Variants in EPG5 observed in about 807,000 individuals in gnomAD.
The protein encoded by EPG5 is ectopic P granules protein 5 homolog.
Under a neutral mutation model 302.7 loss-of-function variants are expected in EPG5, and 159 were observed. The ratio of observed to expected loss-of-function variants is 0.53; its 90% CI spans 0.46 to 0.60. The LOEUF (loss-of-function observed/expected upper bound fraction) is 0.60. EPG5 is among the 20% of genes least tolerant of loss of function. The probability of loss-of-function intolerance (pLI) is 0.00; values close to 1 mark genes in which losing one functional copy is unlikely to be tolerated. For missense variants in EPG5, 2,896 were observed against 3,092.4 expected, an observed-to-expected ratio of 0.94 and a Z score of 1.51; for synonymous variants, 1,158 against 1,136.8, an observed-to-expected ratio of 1.02 and a Z score of -0.37.
intron 1 of EPG5, among the ~76,000 whole-genome samples, chr18:45,961,525 C>T (rs2051149397): frequency 6.6e-6 from 1 of 152,202 alleles, no homozygotes; most frequent in Non-Finnish European, 1.5e-5. Context: ...ATAGTGAACT[C>T]TCTCTTCCCT....
intron 8 of EPG5, 82 bp from the exon 9 acceptor site, chr18:45,943,393 T>G: frequency 5.5e-6 from 7 of 1,282,666 alleles, no homozygotes; most frequent in Non-Finnish European, 7.7e-6. Context: ...AATATTTTAA[T>G]GAGGACTCAA....
chr18:45,839,045 C>T, the EPG5 span: 13 of 1,542,690 alleles, frequency 8.4e-6, no homozygotes, highest in East Asian at 1.3e-4. Context: ...GGCTTCAAGG[C>T]GCTGCTGCTG....
chr18:45,836,016 C>T, the EPG5 span, among the ~76,000 whole-genome samples: 6 of 152,148 alleles, frequency 3.9e-5, no homozygotes, highest in African/African-American at 1.4e-4. Context: ...GTCCTGTGGG[C>T]GGCCGGAGAT....
chr18:45,965,945 C>A (rs956200485), intron 1 of EPG5, among the ~76,000 whole-genome samples: 1 of 151,630 alleles, frequency 6.6e-6, no homozygotes, highest in Admixed American at 6.6e-5. Flanking sequence ...CCCAGTTACT[C>A]GGGAGGCTGA....
intron 4 of EPG5, among the ~76,000 whole-genome samples, chr18:45,950,523 GA>G (rs752459621): frequency 6.6e-6 from 1 of 152,116 alleles, no homozygotes; most frequent in Non-Finnish European, 1.5e-5. Context: ...ATGATTCTGA[GA>G]CCTCCTCAGC....
At chr18:45,825,814 G>C in the EPG5 span, 5 of 1,613,430 alleles carry the variant, frequency 3.1e-6, no homozygotes, top group Non-Finnish European at 4.2e-6. Context: ...GCCCATGCTC[G>C]GGACAGAATA....
intron 26 of EPG5, among the ~76,000 whole-genome samples, chr18:45,900,101 C>T (rs1471671605): frequency 6.6e-6 from 1 of 152,096 alleles, no homozygotes; most frequent in East Asian, 1.9e-4. Flanking sequence ...GAAAAAAATA[C>T]TGATAAGAAA....
chr18:45,913,704 A>C lies in EPG5; in HGVS notation c.3816+2T>G. 1 of 1,613,984 alleles carries C rather than the reference A, an allele frequency of 6.2e-7. No homozygotes were observed. Among genetic ancestry groups the C allele is most frequent in the Non-Finnish European group, 8.5e-7 (1 of 1,179,932 alleles). The stretch of plus-strand genomic sequence containing the variant: ...ACTCAAATGCAGAACTGCTATTTGT[A>C]CCTTCAGAGCTTGGTCAGGGGTGAA... On this transcript the variant is annotated splice_donor_variant, in intron 21 of 43. Coordinates refer to ENST00000282041, the MANE Select transcript of EPG5 (RefSeq NM_020964.3). LOFTEE classifies it high-confidence loss of function.
intron 1 of EPG5, among the ~76,000 whole-genome samples, chr18:45,956,882 A>T (rs189917226): frequency 4.5e-4 from 65 of 145,140 alleles, no homozygotes; most frequent in African/African-American, 1.8e-3. Flanking sequence ...CTCTATCATC[A>T]TAAAAAAGCT....
intron 32 of EPG5, 81 bp downstream of exon 32, chr18:45,879,994 G>T: frequency 6.9e-7 from 1 of 1,440,664 alleles, no homozygotes; most frequent in Non-Finnish European, 9.3e-7. Context: ...TAATGCACAA[G>T]TTTTCCAACT....
chr18:45,941,915 T>C (rs555908424), intron 9 of EPG5, among the ~76,000 whole-genome samples: 1 of 152,304 alleles, frequency 6.6e-6, no homozygotes, highest in South Asian at 2.1e-4. Context: ...ACTCAAGGCT[T>C]TCTCTAGACC....
At chr18:45,837,916 G>A in the EPG5 span, 3 of 1,473,660 alleles carry the variant, frequency 2.0e-6, no homozygotes, top group East Asian at 2.9e-5. Flanking sequence ...CGTGGGAGCG[G>A]GTCCCCGGCC....
intron 1 of EPG5, among the ~76,000 whole-genome samples, chr18:45,956,022 A>G (rs1229415141): frequency 6.6e-6 from 1 of 152,232 alleles, no homozygotes; most frequent in East Asian, 1.9e-4. Flanking sequence ...TTTAAGGGAA[A>G]CAGAGTATCT....
chr18:45,870,740 T>G lies in EPG5; in HGVS notation c.6052A>C (p.Lys2018Gln), dbSNP rs368931316. 2.5e-6 allele frequency: 4 copies of G among 1,594,960 alleles called. No homozygotes were observed. Among genetic ancestry groups the G allele is most frequent in the Non-Finnish European group, 3.4e-6 (4 of 1,166,788 alleles). ...IDSLHESFKD[K>Q]LLPGDAGALW... ...GCTCCTGCATCACCTGGCAACAGCT[T>G]ATCTAGAATGTGAAAAGAAAATAGA... Residue 2018 changes from lysine to glutamine, a missense_variant and splice_region_variant, in exon 36 of 44, where the codon AAG becomes CAG. This residue lies in a region of EPG5 where 620 missense variants were observed against 704.2 expected (regional missense o/e 0.88). Coordinates refer to ENST00000282041, the MANE Select transcript of EPG5 (RefSeq NM_020964.3).
chr18:45,828,034 C>T, the EPG5 span, among the ~76,000 whole-genome samples: 3 of 152,196 alleles, frequency 2.0e-5, no homozygotes, highest in South Asian at 6.2e-4. Flanking sequence ...GTGGTCCAGG[C>T]CCCCACTTCC....
chr18:45,831,743 CTT>C, the EPG5 span, among the ~76,000 whole-genome samples: 1 of 146,780 alleles, frequency 6.8e-6, no homozygotes, highest in Non-Finnish European at 1.5e-5. Flanking sequence ...GTACCAACAT[CTT>C]TTTTTTTTTT....
chr18:45,953,881 C>T (rs974750814), intron 2 of EPG5: 1 of 985,312 alleles, frequency 1.0e-6, no homozygotes, highest in Non-Finnish European at 1.2e-6. Flanking sequence ...CCTTCAGTTT[C>T]CTCATCCCTT....
chr18:45,882,064 C>T (rs1460548679), intron 31 of EPG5, among the ~76,000 whole-genome samples: 5 of 152,176 alleles, frequency 3.3e-5, no homozygotes, highest in African/African-American at 1.2e-4. Flanking sequence ...CCAATTAGAG[C>T]CCATTCTCAA....
chr18:45,958,517 T>A (rs1648751212), intron 1 of EPG5, among the ~76,000 whole-genome samples: 3 of 152,180 alleles, frequency 2.0e-5, no homozygotes, highest in Admixed American at 2.0e-4. Context: ...AATAAAACCT[T>A]ACATATATGG....
Sources: allele counts gnomAD v4.1 joint callset (sites outside exome capture counted in the v4.1 genomes callset), GRCh38; gene constraint gnomAD v4.1.1; regional missense constraint gnomAD v4.1.1; transcripts MANE v1.5; gene names NCBI Gene and HGNC (gene_info 2026-07-23, HGNC 2026-07-21).